PRKN: variants seen among roughly 807,000 people sequenced by gnomAD.
PRKN encodes E3 ubiquitin-protein ligase parkin.
Under a neutral mutation model 59.5 loss-of-function variants are expected in PRKN, and 56 were observed. The ratio of observed to expected loss-of-function variants is 0.94; its 90% CI spans 0.76 to 1.18. The LOEUF is 1.18. PRKN is among the 50% of genes most tolerant of loss of function. The pLI is 0.00. For missense variants in PRKN, 657 were observed against 596.4 expected (o/e 1.10, Z -1.06); for synonymous variants, 250 against 222.1 (o/e 1.13, Z -1.12).
intron 3 of PRKN, among the ~76,000 whole-genome samples, chr6:162,203,465 A>T (rs1023658080): frequency 2.0e-5 from 3 of 152,122 alleles, no homozygotes; most frequent in Admixed American, 6.6e-5. Context: ...GCATCAGGTA[A>T]ATCTTGAGAG....
At chr6:162,166,560 G>A (rs185225105) in intron 4 of PRKN, among the ~76,000 whole-genome samples, 1 of 152,246 alleles carries the variant, frequency 6.6e-6, no homozygotes, top group East Asian at 1.9e-4. Context: ...GAACTTGTTT[G>A]TCATGGTGTT....
At chr6:162,043,554 A>G (rs1562480124) in intron 5 of PRKN, among the ~76,000 whole-genome samples, 3 of 152,254 alleles carry the variant, frequency 2.0e-5, no homozygotes, top group Admixed American at 1.3e-4. Context: ...TAGAAGGAGA[A>G]GGAGTTACAG....
intron 4 of PRKN, among the ~76,000 whole-genome samples, chr6:162,068,087 AT>A (rs2128289799): frequency 6.6e-6 from 1 of 152,298 alleles, no homozygotes; most frequent in Admixed American, 6.5e-5. Context: ...ACATTTACTA[AT>A]TATGAAAACA....
At chr6:161,600,568 C>T (rs1476402113) in intron 7 of PRKN, among the ~76,000 whole-genome samples, 1 of 152,144 alleles carries the variant, frequency 6.6e-6, no homozygotes, top group Non-Finnish European at 1.5e-5. Flanking sequence ...TTAATATACT[C>T]CGTATACAAT....
chr6:162,132,270 G>C (rs559475110), intron 4 of PRKN, among the ~76,000 whole-genome samples: 1 of 152,126 alleles, frequency 6.6e-6, no homozygotes, highest in African/African-American at 2.4e-5. Context: ...TGACGGCTGG[G>C]CTCTATTTAA....
rs952790944 is a variant in PRKN, at chr6:162,106,408, T to C, written c.535-52234A>G. 8.6e-5 allele frequency among the ~76,000 whole-genome samples: 13 copies of C among 151,854 alleles called. No homozygotes were observed. In the East Asian group the frequency reaches 2.5e-3, roughly 30 times the overall value. On this transcript the variant is annotated intron_variant, in intron 4 of 11. Transcript: ENST00000366898. The stretch of plus-strand genomic sequence containing the variant: ...ATGAGAGAGTGAATTCCTTTTTTTT[T>C]TTTTTCATTTTATGAAGAAAGCAGG...
At chr6:162,721,852 C>A (rs148739600) in intron 1 of PRKN, among the ~76,000 whole-genome samples, 12 of 152,056 alleles carry the variant, frequency 7.9e-5, no homozygotes, top group African/African-American at 2.9e-4. Flanking sequence ...AAAGTTGGTG[C>A]CATTGGAACT....
chr6:162,001,921 A>G (rs908966855), intron 5 of PRKN, among the ~76,000 whole-genome samples: 3 of 139,620 alleles, frequency 2.1e-5, no homozygotes, highest in Non-Finnish European at 3.1e-5. Context: ...ATCTACTGAT[A>G]TGGTCATTTG....
chr6:162,498,731 T>C (rs1793216066), intron 1 of PRKN, among the ~76,000 whole-genome samples: 2 of 152,044 alleles, frequency 1.3e-5, no homozygotes, highest in Non-Finnish European at 2.9e-5. Flanking sequence ...AAAAACCTAA[T>C]GTGTATCCAT....
chr6:162,569,836 TC>T, intron 1 of PRKN: 1 of 426,296 alleles, frequency 2.3e-6, no homozygotes, highest in South Asian at 2.2e-5. Flanking sequence ...CACCTGAGGC[TC>T]AGCCCTAGCC....
chr6:162,182,143 A>G (rs554203292), intron 4 of PRKN, among the ~76,000 whole-genome samples: 2 of 152,280 alleles, frequency 1.3e-5, no homozygotes, highest in East Asian at 3.9e-4. Context: ...CCCTGGACAA[A>G]GACAGGGGTT....
chr6:162,324,755 C>T (rs754055927), intron 2 of PRKN, among the ~76,000 whole-genome samples: 10 of 151,758 alleles, frequency 6.6e-5, no homozygotes, highest in African/African-American at 1.5e-4. Context: ...TATATGTGTA[C>T]GTATCTATGT....
intron 6 of PRKN, among the ~76,000 whole-genome samples, chr6:161,883,197 T>A (rs1795007193): frequency 6.6e-6 from 1 of 152,090 alleles, no homozygotes; most frequent in South Asian, 2.1e-4. Context: ...GGTTTAATCA[T>A]GTTTTAGAAA....
intron 7 of PRKN, among the ~76,000 whole-genome samples, chr6:161,609,286 T>G (rs1476984702): frequency 6.6e-6 from 1 of 152,222 alleles, no homozygotes; most frequent in African/African-American, 2.4e-5. Flanking sequence ...TCTCATATAT[T>G]TCTACTCTAA....
Position 162,331,040 on chromosome 6 carries a change from A to C in PRKN, c.172-68275T>G, listed in dbSNP as rs944479323. The stretch of plus-strand genomic sequence containing the variant: ...ATCACTCTATTACGATTTTAGAAAT[A>C]ATTTTAGGCAGGGCACACTGGCTCA... On this transcript the variant is annotated intron_variant, in intron 2 of 11. Coordinates refer to ENST00000366898, the MANE Select transcript of PRKN (RefSeq NM_004562.3). 2.6e-5 allele frequency among the ~76,000 whole-genome samples: 4 copies of C among 152,118 alleles called. No individual in the cohort carries two copies. In the South Asian group the frequency reaches 8.3e-4, roughly 32 times the overall value.
At chr6:161,849,008 A>G (rs963222589) in intron 6 of PRKN, among the ~76,000 whole-genome samples, 3 of 152,212 alleles carry the variant, frequency 2.0e-5, no homozygotes, top group Admixed American at 1.3e-4. Context: ...TTCCCAAAGG[A>G]AAATGACTCC....
chr6:162,057,556 G>C (rs552392669), intron 4 of PRKN, among the ~76,000 whole-genome samples: 1 of 152,172 alleles, frequency 6.6e-6, no homozygotes, highest in Non-Finnish European at 1.5e-5. Context: ...CCTTGATCAC[G>C]TTCATCAGCC....
At chr6:161,686,654 C>T (rs1785567860) in intron 7 of PRKN, among the ~76,000 whole-genome samples, 1 of 152,190 alleles carries the variant, frequency 6.6e-6, no homozygotes, top group Non-Finnish European at 1.5e-5. Flanking sequence ...TTTCAAACTA[C>T]TTCCTATCCA....
rs1190864502 is a variant in PRKN at position 161,371,757 on chromosome 6, G to A, written c.1168-11552C>T. Among the ~76,000 whole-genome samples, 3 of 152,158 alleles carry A rather than the reference G, an allele frequency of 2.0e-5. No individual in the cohort carries two copies. ...GGGTTCAAGCGATTCTCATGCCTCA[G>A]CCTCCTGAGTAGCTGGGATTACAGG... On this transcript the variant is annotated intron_variant, in intron 10 of 11. Coordinates refer to ENST00000366898, the MANE Select transcript of PRKN (RefSeq NM_004562.3). This position sits in a 1 kb window ranked among gnomAD's most constrained non-coding sequence, Gnocchi z 5.5.
Sources: allele counts gnomAD v4.1 joint callset (sites outside exome capture counted in the v4.1 genomes callset), GRCh38; gene constraint gnomAD v4.1.1; non-coding constraint Gnocchi (gnomAD v3.1); transcripts MANE v1.5; gene names NCBI Gene and HGNC (gene_info 2026-07-23, HGNC 2026-07-21).